LIN7A: variants seen among roughly 807,000 people sequenced by gnomAD.
LIN7A encodes protein lin-7 homolog A.
A neutral mutation model predicts 29.8 loss-of-function variants in LIN7A; 25 were observed. The observed-to-expected ratio is 0.84, with a 90% CI of 0.61 to 1.17. The LOEUF is 1.17. LIN7A is among the 50% of genes most tolerant of loss of function. LIN7A has a pLI of 0.00. For missense variants in LIN7A, 239 were observed against 287.0 expected (o/e 0.83, Z 1.21); for synonymous variants, 118 against 107.5 (o/e 1.10, Z -0.60).
intron 4 of LIN7A, chr12:80,842,076 C>T (rs1468712595): frequency 7.8e-7 from 1 of 1,286,406 alleles, no homozygotes; most frequent in South Asian, 1.2e-5. Flanking sequence ...ATTTTCTCTC[C>T]CAATGATTGC....
At position 80,795,397 on chromosome 12, in the gene LIN7A, GACAA is replaced by G. The variant is rs1870399544; in HGVS notation, c.*2326_*2329del. ...GTGTGATGGATTGCTTCTTTACTTT[GACAA>G]ACAATCTGGTATGCCTTTATCAGCA... On this transcript the variant is annotated 3_prime_UTR_variant, in exon 6 of 6. Coordinates refer to ENST00000552864, the MANE Select transcript of LIN7A (RefSeq NM_004664.4). The G allele has an allele frequency of 6.6e-6, 1 of 151,986 alleles. No homozygotes were observed. Among genetic ancestry groups the G allele is most frequent in the Non-Finnish European group, 1.5e-5 (1 of 67,976 alleles). The allele number at this position is 151,986 out of a possible 1,614,324, so 9.4% of individuals were successfully genotyped here. A position where few individuals can be genotyped will look rare whatever the true frequency, so the allele number is the denominator to read the frequency against.
At chr12:80,909,121 G>T (rs949451737) in intron 1 of LIN7A, among the ~76,000 whole-genome samples, 1 of 151,580 alleles carries the variant, frequency 6.6e-6, no homozygotes, top group Non-Finnish European at 1.5e-5. Flanking sequence ...TACATTTTTG[G>T]CCCATTTTGA....
In LIN7A at chr12:80,848,276, T is replaced by C. The variant is rs1565900486; in HGVS notation, c.248A>G (p.Glu83Gly). 1 of 1,613,482 alleles carries C rather than the reference T, an allele frequency of 6.2e-7. No homozygotes were observed. The highest frequency in any genetic ancestry group is 1.1e-5 in the South Asian group (1 of 91,060). ...CTTTGCTGTTGCCCTCGCACGGAAT[T>C]CGGGACAGCCATTAACAGTTATCGT... is the stretch of plus-strand genomic sequence containing the variant. Reference protein sequence around the residue: ...HETITVNGCPEFRARATAKAT... With the variant: ...HETITVNGCPGFRARATAKAT... Residue 83 changes from glutamate (E) to glycine (G), a missense_variant, in exon 3 of 6, where the codon GAA becomes GGA. Coordinates refer to ENST00000552864, the MANE Select transcript of LIN7A (RefSeq NM_004664.4).
At chr12:80,921,247 T>C (rs918614871) in intron 1 of LIN7A, among the ~76,000 whole-genome samples, 2 of 151,986 alleles carry the variant, frequency 1.3e-5, no homozygotes, top group Non-Finnish European at 2.9e-5. Context: ...GGTACCTTGA[T>C]TTTGGAATTC....
At chr12:80,909,964 A>G (rs1190083418) in intron 1 of LIN7A, among the ~76,000 whole-genome samples, 1 of 152,040 alleles carries the variant, frequency 6.6e-6, no homozygotes, top group Non-Finnish European at 1.5e-5. Flanking sequence ...CATTACTTTT[A>G]ATAATGATTT....
intron 1 of LIN7A, among the ~76,000 whole-genome samples, chr12:80,933,088 T>C (rs1878003321): frequency 6.6e-6 from 1 of 152,222 alleles, no homozygotes; most frequent in South Asian, 2.1e-4. Flanking sequence ...AAATTGAATA[T>C]ATCTCCTCTT....
intron 2 of LIN7A, among the ~76,000 whole-genome samples, chr12:80,865,464 G>A (rs1437550264): frequency 6.6e-6 from 1 of 152,162 alleles, no homozygotes; most frequent in Non-Finnish European, 1.5e-5. Context: ...TAACAACTGA[G>A]CAATGGAGAA....
intron 1 of LIN7A, among the ~76,000 whole-genome samples, chr12:80,898,091 T>G (rs1288218227): frequency 4.6e-5 from 7 of 152,194 alleles, no homozygotes; most frequent in Non-Finnish European, 1.0e-4. Context: ...CTTTCAGGGT[T>G]TTTAAAATTT....
rs370465323 is a variant in LIN7A at position 80,854,485 on chromosome 12, C to CAAAAAAAAA, written c.202-6164_202-6163insTTTTTTTTT. ...TGAATCTGAAATGCATGTTGCTAAG[C>CAAAAAAAAA]CAAAAAAAAAAAAAAAAAAAAAAGC... On this transcript the variant is annotated intron_variant, in intron 2 of 5. Coordinates refer to ENST00000552864, the MANE Select transcript of LIN7A (RefSeq NM_004664.4). Among the ~76,000 whole-genome samples, 12 of 37,110 alleles carry CAAAAAAAAA rather than the reference C, an allele frequency of 3.2e-4. 4 individuals carry two copies. The highest frequency in any genetic ancestry group is 3.0e-4 in the Non-Finnish European group (6 of 19,834). 24.3% of individuals were successfully genotyped at this position (37,110 alleles called of 152,430 possible).
At chr12:80,854,782 G>T (rs1395562325) in intron 2 of LIN7A, among the ~76,000 whole-genome samples, 1 of 151,684 alleles carries the variant, frequency 6.6e-6, no homozygotes, top group African/African-American at 2.4e-5. Context: ...TTTTTAAAAA[G>T]CAAAAAATAT....
intron 5 of LIN7A, among the ~76,000 whole-genome samples, chr12:80,801,087 C>T (rs1047380289): frequency 5.3e-5 from 8 of 151,188 alleles, no homozygotes; most frequent in African/African-American, 2.0e-4. Context: ...TATAAACATA[C>T]ATATAAACAT....
At chr12:80,880,092 G>A (rs2120574466) in intron 2 of LIN7A, among the ~76,000 whole-genome samples, 1 of 152,134 alleles carries the variant, frequency 6.6e-6, no homozygotes, top group Admixed American at 6.5e-5. Context: ...AAACTGACAT[G>A]TCTTTCTCAT....
intron 1 of LIN7A, among the ~76,000 whole-genome samples, chr12:80,902,799 G>A (rs1465401479): frequency 6.6e-6 from 1 of 151,940 alleles, no homozygotes; most frequent in Non-Finnish European, 1.5e-5. Context: ...GAATCATATT[G>A]TCACTGAAGA....
At chr12:80,802,739 ATCC>A (rs1262488837) in intron 5 of LIN7A, among the ~76,000 whole-genome samples, 3 of 151,164 alleles carry the variant, frequency 2.0e-5, no homozygotes, top group African/African-American at 7.3e-5. Context: ...GACTCAGGCA[ATCC>A]TCCTGCCTCA....
chr12:80,921,145 C>A (rs1877280611), intron 1 of LIN7A, among the ~76,000 whole-genome samples: 1 of 152,106 alleles, frequency 6.6e-6, no homozygotes, highest in African/African-American at 2.4e-5. Context: ...CCTCAGAGAG[C>A]TGCCTTGCCC....
chr12:80,918,785 C>G (rs184650480), intron 1 of LIN7A, among the ~76,000 whole-genome samples: 58 of 152,260 alleles, frequency 3.8e-4, no homozygotes, highest in Admixed American at 2.6e-3. Flanking sequence ...TGAGCAAGAA[C>G]AGAAAAATAG....
chr12:80,835,218 A>G (rs370011767), intron 4 of LIN7A, among the ~76,000 whole-genome samples: 266 of 152,342 alleles, frequency 1.7e-3, no homozygotes, highest in African/African-American at 5.9e-3. Flanking sequence ...GGAGAGATGC[A>G]TCTGGAAGTT....
intron 4 of LIN7A, among the ~76,000 whole-genome samples, chr12:80,822,868 C>T (rs1185369864): frequency 1.3e-5 from 2 of 152,038 alleles, no homozygotes; most frequent in African/African-American, 4.8e-5. Context: ...GGTGAAGCCC[C>T]ACCTTCAAGC....
chr12:80,861,451 G>T, intron 2 of LIN7A: 1 of 154,962 alleles, frequency 6.5e-6, no homozygotes, highest in South Asian at 1.9e-4. Context: ...ATGTAATCCC[G>T]ACAGATGGGG....
Sources: allele counts gnomAD v4.1 joint callset (sites outside exome capture counted in the v4.1 genomes callset), GRCh38; gene constraint gnomAD v4.1.1; transcripts MANE v1.5; gene names NCBI Gene and HGNC (gene_info 2026-07-23, HGNC 2026-07-21).